MLST8: variants seen among roughly 807,000 people sequenced by gnomAD.
MLST8 encodes the protein target of rapamycin complex subunit LST8.
A neutral mutation model predicts 41.3 loss-of-function variants in MLST8; 20 were observed. The ratio of observed to expected loss-of-function variants is 0.48; its 90% CI spans 0.34 to 0.70. The LOEUF is 0.70. Among genes scored for constraint, MLST8 ranks in the 30% least tolerant of loss-of-function variants. The pLI, the probability that MLST8 is intolerant of heterozygous loss-of-function variation, is 0.01. For missense variants in MLST8, 422 were observed against 454.3 expected, an observed-to-expected ratio of 0.93 and a Z score of 0.65; for synonymous variants, 243 against 183.0, an observed-to-expected ratio of 1.33 and a Z score of -2.65.
chr16:2,205,690 G>C, intron 1 of MLST8, 178 bp downstream of exon 1: 1 of 992,756 alleles, frequency 1.0e-6, no homozygotes, highest in Non-Finnish European at 1.2e-6. Flanking sequence ...TGCTACGCAT[G>C]CGCAGCCGCA....
rs1376410507 is a variant in MLST8 at position 2,208,865 on chromosome 16, T to C, written c.969T>C (p.Ser323=). Residue 323 remains serine, a synonymous_variant, in exon 9 of 9, where the codon AGT becomes AGC. Transcript: ENST00000569417. ...TTGTCTGCCTGGCCTTCAATGACAG[T>C]GTGCTGGGCTAGCCTGTGACCCCTC... is the stretch of plus-strand genomic sequence containing the variant. The part of the protein sequence containing the change: ...KAVVCLAFND[S]VLG 1 of 1,613,346 alleles carries C rather than the reference T, an allele frequency of 6.2e-7. No individual in the cohort carries two copies. Among genetic ancestry groups the C allele is most frequent in the Non-Finnish European group, 8.5e-7 (1 of 1,179,854 alleles).
At chr16:2,208,412 G>T in intron 7 of MLST8, 38 bp from the exon 8 acceptor site, 1 of 1,608,830 alleles carries the variant, frequency 6.2e-7, no homozygotes, top group Non-Finnish European at 8.5e-7. Flanking sequence ...GCTGGATGGA[G>T]TGGCTGCTGC....
At position 2,207,029 on chromosome 16, in the gene MLST8, C is replaced by T. The variant is rs2093305260; in HGVS notation, c.345-6C>T. 1.2e-6 allele frequency: 2 copies of T among 1,613,004 alleles called. No individual in the cohort carries two copies. Among genetic ancestry groups the T allele is most frequent in the Non-Finnish European group, 1.7e-6 (2 of 1,179,876 alleles). On this transcript the variant is annotated splice_polypyrimidine_tract_variant and splice_region_variant and intron_variant, in intron 4 of 8. Coordinates refer to ENST00000569417, the MANE Select transcript of MLST8 (RefSeq NM_022372.6). ...TGGACAGCATGTGCCCCGGCCCGGC[C>T]CGCAGGTCCCGGAACCTGCAGTGCC... is the stretch of plus-strand genomic sequence containing the variant.
rs150807977 is a variant in MLST8, at chr16:2,207,959, G to A, written c.574-251G>A. 103 of 404,366 alleles carry A rather than the reference G, an allele frequency of 2.5e-4. No homozygotes were observed. The East Asian group carries it at 4.1e-3, about 16-fold the overall frequency. 25.0% of individuals were successfully genotyped at this position (404,366 alleles called of 1,614,324 possible). A position where few individuals can be genotyped will look rare whatever the true frequency, so the allele number is the denominator to read the frequency against. ...CTCCTGTCTACTTCCGTTGGCCATCGGCATCCTCCAGGAAGGAGAATTTGA... is the reference window on the plus strand; with the variant it reads ...CTCCTGTCTACTTCCGTTGGCCATCAGCATCCTCCAGGAAGGAGAATTTGA... On this transcript the variant is annotated intron_variant, in intron 6 of 8. Transcript: ENST00000569417.
chr16:2,207,335 T>C lies in MLST8; in HGVS notation c.563T>C (p.Val188Ala). 6.2e-7 allele frequency: 1 copy of C among 1,613,958 alleles called. No homozygotes were observed. The highest frequency in any genetic ancestry group is 8.5e-7 in the Non-Finnish European group (1 of 1,179,884). ...IDPDASYMAA[V>A]NSTGNCYVWN... ...CCCGACGCCAGCTACATGGCAGCTG[T>C]CAATAGCACCGTGAGTCCTGGTGGC... Residue 188 changes from valine (V) to alanine (A), a missense_variant, in exon 6 of 9, where the codon GTC becomes GCC. Physicochemically the swap from Val to Ala is moderately conservative, Grantham distance 64 (BLOSUM62 0). Coordinates refer to ENST00000569417, the MANE Select transcript of MLST8 (RefSeq NM_022372.6).
rs367838339 is a variant in MLST8 at position 2,208,178 on chromosome 16, G to C, written c.574-32G>C. 7.2e-5 allele frequency: 113 copies of C among 1,578,092 alleles called. No homozygotes were observed. In the African/African-American group the frequency reaches 1.3e-3, roughly 18 times the overall value. ...CCCTGTGTCTCAGACCTGAGGCCTT[G>C]GGCCCTCCGTGACGGTCCTCCTGAC... On this transcript the variant is annotated intron_variant, in intron 6 of 8. Coordinates refer to ENST00000569417, the MANE Select transcript of MLST8 (RefSeq NM_022372.6).
At chr16:2,205,867 C>G (rs1057135462) in intron 1 of MLST8, 164 bp from the exon 2 acceptor site, 17 of 1,347,016 alleles carry the variant, frequency 1.3e-5, no homozygotes, top group Non-Finnish European at 1.5e-5. Flanking sequence ...CCTGGAGCCC[C>G]GGAGCCAGGT....
In MLST8 at chr16:2,209,040, G is replaced by A; in HGVS notation, c.*163G>A. ...GGGCCAGGCTGCCCTGGGACTCTCA[G>A]CCCCCAGTTGCTTATCCAGATGTGA... On this transcript the variant is annotated 3_prime_UTR_variant, in exon 9 of 9. Coordinates refer to ENST00000569417, the MANE Select transcript of MLST8 (RefSeq NM_022372.6). 1 of 749,376 alleles carries A rather than the reference G, an allele frequency of 1.3e-6. No individual in the cohort carries two copies. Among genetic ancestry groups the A allele is most frequent in the African/African-American group, 1.7e-5 (1 of 57,524 alleles). The allele number at this position is 749,376 out of a possible 1,614,324, so 46.4% of individuals were successfully genotyped here.
intron 1 of MLST8, 50 bp downstream of exon 1, chr16:2,205,562 G>T (rs2093263544): frequency 1.8e-6 from 1 of 560,254 alleles, no homozygotes; most frequent in Non-Finnish European, 2.3e-6. Flanking sequence ...GGGTGGCTGG[G>T]AGAGCACGGC....
intron 1 of MLST8, 184 bp from the exon 2 acceptor site, chr16:2,205,847 G>A (rs559682759): frequency 1.0e-5 from 13 of 1,294,524 alleles, no homozygotes; most frequent in East Asian, 6.8e-5. Context: ...GGCGGGGATG[G>A]AGCACGCGCC....
chr16:2,206,878 T>A (rs2093301927), intron 4 of MLST8, 157 bp from the exon 5 acceptor site: 1 of 1,131,578 alleles, frequency 8.8e-7, no homozygotes. Flanking sequence ...AGCCACTGGC[T>A]TAGGCTCCCT....
intron 6 of MLST8, 46 bp downstream of exon 6, chr16:2,207,391 G>A: frequency 6.3e-7 from 1 of 1,596,392 alleles, no homozygotes. Flanking sequence ...TTGGCACTCA[G>A]CCCTCAGCCT....
At chr16:2,206,752 C>T (rs1183641983) in intron 4 of MLST8, 93 bp downstream of exon 4, 1 of 1,438,976 alleles carries the variant, frequency 6.9e-7, no homozygotes. Context: ...GAGGCTGAGA[C>T]AGGGAGCTTC....
chr16:2,206,261 G>A (rs2093286312), intron 2 of MLST8, 47 bp downstream of exon 2: 1 of 1,601,488 alleles, frequency 6.2e-7, no homozygotes, highest in Non-Finnish European at 8.5e-7. Context: ...GGGATGCCTC[G>A]TGTGGGGACC....
At position 2,209,374 on chromosome 16, in the gene MLST8, G is replaced by A. The variant is rs773480492; in HGVS notation, c.*497G>A. 3.7e-5 allele frequency: 60 copies of A among 1,612,790 alleles called. No individual in the cohort carries two copies. Among genetic ancestry groups the A allele is most frequent in the Admixed American group, 2.7e-4 (16 of 59,986 alleles). On this transcript the variant is annotated 3_prime_UTR_variant, in exon 9 of 9. Transcript: ENST00000569417. ...CCAGGTCGGGGGCTCAGTCTGGGAGGTAATAAAAGCAGACCGACACGCAGA... is the reference window on the plus strand; with the variant it reads ...CCAGGTCGGGGGCTCAGTCTGGGAGATAATAAAAGCAGACCGACACGCAGA...
rs769126018 is a variant in MLST8 at position 2,206,025 on chromosome 16, C to T, written c.-55-6C>T. On this transcript the variant is annotated splice_region_variant and splice_polypyrimidine_tract_variant and intron_variant, in intron 1 of 8. Transcript: ENST00000569417. ...TCTTCTAAGTACTTCACATCCTTCTCTGCAGATGCTCTGACCTTTGACCCC... is the reference window on the plus strand; with the variant it reads ...TCTTCTAAGTACTTCACATCCTTCTTTGCAGATGCTCTGACCTTTGACCCC... 4 of 1,522,082 alleles carry T rather than the reference C, an allele frequency of 2.6e-6. No homozygotes were observed. The highest frequency in any genetic ancestry group is 2.5e-5 in the South Asian group (2 of 79,472). The allele number at this position is 1,522,082 out of a possible 1,614,324, so 94.3% of individuals were successfully genotyped here.
Position 2,208,914 on chromosome 16 carries a change from G to T in MLST8, c.*37G>T. 6.2e-7 allele frequency: 1 copy of T among 1,604,106 alleles called. No individual in the cohort carries two copies. The highest frequency in any genetic ancestry group is 1.3e-5 in the African/African-American group (1 of 74,884). ...TCGGGACTGCCTGGTGCAGGTGGTG[G>T]CAGCTGGAGGGACCCATGCAGCACC... On this transcript the variant is annotated 3_prime_UTR_variant, in exon 9 of 9. Coordinates refer to ENST00000569417, the MANE Select transcript of MLST8 (RefSeq NM_022372.6).
chr16:2,208,780 G>C lies in MLST8; in HGVS notation c.884G>C (p.Arg295Pro). The C allele has an allele frequency of 6.2e-7, 1 of 1,614,028 alleles. No individual in the cohort carries two copies. Among genetic ancestry groups the C allele is most frequent in the Non-Finnish European group, 8.5e-7 (1 of 1,179,936 alleles). The change falls in exon 9 of 9, where the codon CGG (arginine) becomes CCG (proline). Residue 295 changes from arginine to proline, a missense_variant. Arg to Pro is a moderately radical substitution (Grantham distance 103). Transcript: ENST00000569417. ...IVTASSDNLA[R>P]LWCVETGEIK... ...CCAGCTTCCTCGGACAACCTGGCCCGGCTCTGGTGTGTGGAGACTGGAGAG... is the reference window on the plus strand; with the variant it reads ...CCAGCTTCCTCGGACAACCTGGCCCCGCTCTGGTGTGTGGAGACTGGAGAG...
chr16:2,207,474 C>T (rs891609883), intron 6 of MLST8, 129 bp downstream of exon 6: 57 of 1,199,528 alleles, frequency 4.8e-5, no homozygotes, highest in Middle Eastern at 4.0e-4. Context: ...CACTAACACC[C>T]ACCTTGCCAG....
Sources: allele counts gnomAD v4.1 joint callset, GRCh38; gene constraint gnomAD v4.1.1; transcripts MANE v1.5; gene names NCBI Gene and HGNC (gene_info 2026-07-23, HGNC 2026-07-21).